Variants in TLE2 observed in about 807,000 individuals in gnomAD.
TLE2 encodes TLE family member 2, transcriptional corepressor.
In TLE2, 74 loss-of-function variants were observed where a neutral mutation model predicts 97.2. The ratio of observed to expected loss-of-function variants is 0.76; its 90% CI spans 0.63 to 0.92. The LOEUF is 0.92. TLE2 is among the 40% of genes least tolerant of loss of function. The pLI is 0.00. For synonymous variants in TLE2, 499 were observed against 432.1 expected, an observed-to-expected ratio of 1.15 and a Z score of -1.92; for missense variants, 1,038 against 1,008.7, an observed-to-expected ratio of 1.03 and a Z score of -0.39.
Position 3,015,569 on chromosome 19 carries a change from G to A in TLE2, c.678+84C>T, listed in dbSNP as rs937084037. ...CTCCGGAGTGAGAGAATTATGGCCA[G>A]AGCTGGGCTCTGGAAGGCTCTGAGG... On this transcript the variant is annotated intron_variant, in intron 9 of 19. Coordinates refer to ENST00000262953, the MANE Select transcript of TLE2 (RefSeq NM_003260.5). 8.8e-5 allele frequency: 97 copies of A among 1,098,336 alleles called. 1 individual carries two copies. In the Middle Eastern group the frequency reaches 2.5e-3, roughly 28 times the overall value. The allele number at this position is 1,098,336 out of a possible 1,614,324, so 68.0% of individuals were successfully genotyped here. A position where few individuals can be genotyped will look rare whatever the true frequency, so the allele number is the denominator to read the frequency against.
At chr19:3,031,015 C>A (rs2090020127), upstream of TLE2, among the ~76,000 whole-genome samples, 1 of 150,522 alleles carries the variant, frequency 6.6e-6, no homozygotes, top group Non-Finnish European at 1.5e-5. Context: ...CAGATATTTA[C>A]AGAGCACCTA....
rs769449049 is a variant in TLE2, at chr19:3,000,698, C to T, written c.2073G>A (p.Lys691=). 3 of 1,592,882 alleles carry T rather than the reference C, an allele frequency of 1.9e-6. No individual in the cohort carries two copies. Among genetic ancestry groups the T allele is most frequent in the Non-Finnish European group, 1.7e-6 (2 of 1,170,122 alleles). Residue 691 remains lysine, a synonymous_variant, in exon 19 of 20, where the codon AAG becomes AAA. Coordinates refer to ENST00000262953, the MANE Select transcript of TLE2 (RefSeq NM_003260.5). ...SCGRWFVSTG[K]DNLLNAWRTP... ...TCCTCCAGGCGTTGAGCAGGTTGTC[C>T]TTCCCGGTGCTCACAAACCACCGTC...
At chr19:3,020,615 A>G (rs1235002719) in intron 5 of TLE2, 1 of 152,104 alleles carries the variant, frequency 6.6e-6, no homozygotes. Flanking sequence ...TCTGCCTCCT[A>G]CGATCGCCTT....
chr19:3,006,335 G>A (rs577878045), intron 15 of TLE2, 85 bp downstream of exon 15: 12 of 1,525,506 alleles, frequency 7.9e-6, no homozygotes, highest in Admixed American at 3.7e-5. Flanking sequence ...CCCCACCCAC[G>A]GCCAGCCTGC....
intron 18 of TLE2, among the ~76,000 whole-genome samples, chr19:3,001,568 C>T (rs796849753): frequency 9.2e-5 from 14 of 152,214 alleles, no homozygotes; most frequent in African/African-American, 3.4e-4. Flanking sequence ...TCCCTACAGC[C>T]TCAAAGTCCT....
chr19:3,019,199 C>T lies in TLE2; in HGVS notation c.550+84G>A, dbSNP rs979091523. 5.3e-5 allele frequency: 80 copies of T among 1,504,624 alleles called. No individual in the cohort carries two copies. The highest frequency in any genetic ancestry group is 1.5e-4 in the African/African-American group (11 of 72,302). The allele number at this position is 1,504,624 out of a possible 1,614,324, so 93.2% of individuals were successfully genotyped here. On this transcript the variant is annotated intron_variant, in intron 7 of 19. Transcript: ENST00000262953. This position sits in a 1 kb window ranked among gnomAD's most constrained non-coding sequence, Gnocchi z 5.1. The stretch of plus-strand genomic sequence containing the variant: ...AGGCATGAGCCACTTCATCCCCTCA[C>T]GCTGATGTTTGCTACCCTGGACTGC...
At chr19:3,000,442 C>CTACG (rs558873005) in intron 19 of TLE2, among the ~76,000 whole-genome samples, 217 of 152,160 alleles carry the variant, frequency 1.4e-3, no homozygotes, top group Middle Eastern at 3.4e-3. Context: ...AACCAACAGG[C>CTACG]TACGGGCAGA....
intron 14 of TLE2, 29 bp downstream of exon 14, chr19:3,008,840 C>T: frequency 6.6e-7 from 1 of 1,512,364 alleles, no homozygotes; most frequent in Non-Finnish European, 8.9e-7. Context: ...CCCGGGACCC[C>T]AGGCAGGGAG....
At chr19:3,015,813 G>C in intron 8 of TLE2, 53 bp from the exon 9 acceptor site, 2 of 1,361,300 alleles carry the variant, frequency 1.5e-6, no homozygotes, top group Non-Finnish European at 2.0e-6. Context: ...TGGGCTCCTA[G>C]ATTGCATTGT....
chr19:3,036,289 C>T (rs1470353906), intron 1 of TLE2, among the ~76,000 whole-genome samples: 3 of 152,226 alleles, frequency 2.0e-5, no homozygotes, highest in African/African-American at 7.2e-5. Context: ...TCCCGCGCGG[C>T]TCCCGCCCAG....
At position 3,000,672 on chromosome 19, in the gene TLE2, G is replaced by C. The variant is rs768488905; in HGVS notation, c.2099C>G (p.Thr700Arg). 2 of 1,593,286 alleles carry C rather than the reference G, an allele frequency of 1.3e-6. No homozygotes were observed. The highest frequency in any genetic ancestry group is 1.7e-6 in the Non-Finnish European group (2 of 1,170,316). Reference sequence around the variant, plus strand: ...CTGGAAAATGCTGGCCCCGTACGGCGTCCTCCAGGCGTTGAGCAGGTTGTC... The same window carrying C: ...CTGGAAAATGCTGGCCCCGTACGGCCTCCTCCAGGCGTTGAGCAGGTTGTC... Reference protein sequence around the residue: ...GKDNLLNAWRTPYGASIFQSK... With the variant: ...GKDNLLNAWRRPYGASIFQSK... The change falls in exon 19 of 20, where the codon ACG (threonine) becomes AGG (arginine). Residue 700 changes from threonine (T) to arginine (R), a missense_variant. By Grantham distance (71) the Thr-to-Arg change is moderately conservative. Transcript: ENST00000262953.
chr19:3,006,061 T>C (rs1005331740), intron 15 of TLE2, 93 bp from the exon 16 acceptor site: 1 of 1,461,506 alleles, frequency 6.8e-7, no homozygotes. Context: ...GAGCCCAATG[T>C]AGCCTCATCC....
In TLE2 at chr19:3,028,807, G is replaced by C. The variant is rs773193336; in HGVS notation, c.25-4C>G. 9.9e-6 allele frequency: 16 copies of C among 1,611,672 alleles called. No individual in the cohort carries two copies. Among genetic ancestry groups the C allele is most frequent in the African/African-American group, 1.3e-5 (1 of 74,842 alleles). On this transcript the variant is annotated splice_region_variant and splice_polypyrimidine_tract_variant and intron_variant, in intron 1 of 19. Transcript: ENST00000262953. ...GCTGGCCGGACTGGAGCGGGGTCTG[G>C]GGGGGGTGTGGGGGAAACGTCAGGG...
At position 3,019,286 on chromosome 19, in the gene TLE2, T is replaced by C. The variant is rs2089785703; in HGVS notation, c.547A>G (p.Arg183Gly). ...CCACCCCGTGCTGCCCACTCACCTC[T>C]GGACCCCTCGGCCTCCACGCCCGCA... Reference protein sequence around the residue: ...DRAGVEAEGSRVERAPSRSAS... With the variant: ...DRAGVEAEGSGVERAPSRSAS... The change falls in exon 7 of 20, where the codon AGA becomes GGA. Residue 183 changes from arginine to glycine, a missense_variant. By Grantham distance (125) the Arg-to-Gly change is moderately radical (BLOSUM62 -2). Transcript: ENST00000262953. This position sits in a 1 kb window ranked among gnomAD's most constrained non-coding sequence, Gnocchi z 5.1. 1.9e-6 allele frequency: 3 copies of C among 1,574,346 alleles called. No individual in the cohort carries two copies. In the South Asian group the frequency reaches 3.5e-5, roughly 18 times the overall value.
intron 2 of TLE2, 74 bp from the exon 3 acceptor site, chr19:3,028,456 C>A: frequency 7.0e-7 from 1 of 1,438,034 alleles, no homozygotes; most frequent in Non-Finnish European, 9.4e-7. Context: ...GAGGCTGGAT[C>A]TCCCCCTCCC....
rs2089978086 is a variant in TLE2 at position 3,028,237 on chromosome 19, G to C, written c.186+82C>G. ...ACGGGGAAGACGAGGTTCGGAGTGG[G>C]GCAGGGACCTACCCCAGAGTCCACC... is the stretch of plus-strand genomic sequence containing the variant. On this transcript the variant is annotated intron_variant, in intron 3 of 19. Coordinates refer to ENST00000262953, the MANE Select transcript of TLE2 (RefSeq NM_003260.5). 9 of 1,414,286 alleles carry C rather than the reference G, an allele frequency of 6.4e-6. No individual in the cohort carries two copies. The South Asian group carries it at 9.8e-5, about 15-fold the overall frequency. 87.6% of individuals were successfully genotyped at this position (1,414,286 alleles called of 1,614,324 possible).
At chr19:3,037,961 A>C (rs1282970863) in intron 1 of TLE2, among the ~76,000 whole-genome samples, 1 of 151,938 alleles carries the variant, frequency 6.6e-6, no homozygotes, top group East Asian at 1.9e-4. Context: ...ATCTATACTA[A>C]AAATAGAAAA....
In TLE2 at chr19:3,002,307, T is replaced by C. The variant is rs777387866; in HGVS notation, c.2047+46A>G. 13 of 1,560,976 alleles carry C rather than the reference T, an allele frequency of 8.3e-6. No homozygotes were observed. The East Asian group carries it at 3.0e-4, about 36-fold the overall frequency. On this transcript the variant is annotated intron_variant, in intron 18 of 19. Transcript: ENST00000262953. Reference sequence around the variant, plus strand: ...TTCAGATTGAATAGGCACCCTGGGTTTTGTTGGGGTTTTGAGGGCGTGCCA... The same window carrying C: ...TTCAGATTGAATAGGCACCCTGGGTCTTGTTGGGGTTTTGAGGGCGTGCCA...
In TLE2 at chr19:3,015,641, G is replaced by A. The variant is rs2089685680; in HGVS notation, c.678+12C>T. On this transcript the variant is annotated intron_variant, in intron 9 of 19. Transcript: ENST00000262953. ...GCACGCCCATCCCAGTCCTGCACCT[G>A]CCCCCACTCACATAAGGTCCTGATG... 2 of 1,594,712 alleles carry A rather than the reference G, an allele frequency of 1.3e-6. No individual in the cohort carries two copies. Among genetic ancestry groups the A allele is most frequent in the Admixed American group, 1.7e-5 (1 of 57,650 alleles).
Sources: gnomAD v4.1 joint callset for allele counts (sites outside exome capture counted in the v4.1 genomes callset) on GRCh38, gnomAD v4.1.1 for gene constraint, Gnocchi (gnomAD v3.1) non-coding constraint, MANE v1.5 for transcripts, NCBI Gene and HGNC (gene_info 2026-07-23, HGNC 2026-07-21) for gene names.